The following MEST variants were observed in gnomAD, a reference collection of about 807,000 sequenced individuals.
The protein encoded by MEST is mesoderm-specific transcript homolog protein.
Under a neutral mutation model 50.9 loss-of-function variants are expected in MEST, and 18 were observed. The ratio of observed to expected loss-of-function variants is 0.35; its 90% CI spans 0.24 to 0.52. The LOEUF (loss-of-function observed/expected upper bound fraction) is 0.52. Ranked by LOEUF, MEST falls within the 20% of genes least tolerant of loss-of-function variation. MEST has a pLI of 0.94. For missense variants in MEST, 282 were observed against 425.3 expected (o/e 0.66, Z 2.96); for synonymous variants, 130 against 154.1 (o/e 0.84, Z 1.16).
chr7:130,499,906 T>C lies in MEST; in HGVS notation c.567T>C (p.Leu189=). ...TTCCTGAGACTCACCGTCCACTCCT[T>C]CTCCAAAAGGTTGGTACTTCACTGA... The part of the protein sequence containing the change: ...GIFPETHRPL[L]LQKLLKDGGV... Residue 189 remains leucine (L), a synonymous_variant, in exon 7 of 12, where the codon CTT becomes CTC. Transcript: ENST00000223215. 1 of 1,612,756 alleles carries C rather than the reference T, an allele frequency of 6.2e-7. No homozygotes were observed. Among genetic ancestry groups the C allele is most frequent in the East Asian group, 2.2e-5 (1 of 44,850 alleles).
intron 11 of MEST, among the ~76,000 whole-genome samples, chr7:130,504,371 G>C (rs1799394470): frequency 6.6e-6 from 1 of 152,216 alleles, no homozygotes. Context: ...GGCAAGGAGA[G>C]ATTGAGAAGA....
intron 9 of MEST, among the ~76,000 whole-genome samples, chr7:130,501,738 G>A (rs1554438540): frequency 6.6e-6 from 1 of 152,114 alleles, no homozygotes; most frequent in Non-Finnish European, 1.5e-5. Flanking sequence ...GGGCACAGTG[G>A]CTCACGCCTG....
rs1421831530 is a variant in MEST, at chr7:130,506,326, A to T, written c.*1270A>T. ...TGGCTTCCCCTCCCCCCTCCCCCCC[A>T]CCCCTCTGGGATAAAAATTTTCCAG... On this transcript the variant is annotated 3_prime_UTR_variant, in exon 12 of 12. Coordinates refer to ENST00000223215, the MANE Select transcript of MEST (RefSeq NM_002402.4). 1 of 10,672 alleles carries T rather than the reference A, an allele frequency of 9.4e-5. No homozygotes were observed. The highest frequency in any genetic ancestry group is 8.7e-4 in the Admixed American group (1 of 1,144). 0.7% of individuals were successfully genotyped at this position (10,672 alleles called of 1,614,324 possible). A position where few individuals can be genotyped will look rare whatever the true frequency, so the allele number is the denominator to read the frequency against.
chr7:130,492,148 C>T lies in MEST; in HGVS notation c.-166C>T, dbSNP rs1386165947. Reference sequence around the variant, plus strand: ...GCAGCTGCGCCTCGCAAGCGCAGTGCCGCAGCGCACGCCGGAGTGGCTGTA... The same window carrying T: ...GCAGCTGCGCCTCGCAAGCGCAGTGTCGCAGCGCACGCCGGAGTGGCTGTA... On this transcript the variant is annotated 5_prime_UTR_variant, in exon 1 of 12. Coordinates refer to ENST00000223215, the MANE Select transcript of MEST (RefSeq NM_002402.4). The surrounding 1 kb of genome is among the most constrained non-coding windows in gnomAD (Gnocchi z 7.6). 3 of 360,962 alleles carry T rather than the reference C, an allele frequency of 8.3e-6. No homozygotes were observed. The highest frequency in any genetic ancestry group is 4.3e-5 in the African/African-American group (2 of 46,150). The allele number at this position is 360,962 out of a possible 1,614,324, so 22.4% of individuals were successfully genotyped here.
At position 130,497,016 on chromosome 7, in the gene MEST, T is replaced by C; in HGVS notation, c.182-140T>C. 1.6e-6 allele frequency: 1 copy of C among 611,240 alleles called. No homozygotes were observed. Among genetic ancestry groups the C allele is most frequent in the South Asian group, 2.3e-5 (1 of 43,010 alleles). 37.9% of individuals were successfully genotyped at this position (611,240 alleles called of 1,614,324 possible). ...CTCACCTAACGCAGTTAAGCTTACA[T>C]TTTACAAATAATTGTGTCATTTTAA... On this transcript the variant is annotated intron_variant, in intron 2 of 11. Transcript: ENST00000223215. The surrounding 1 kb of genome is among the most constrained non-coding windows in gnomAD (Gnocchi z 4.0).
intron 2 of MEST, chr7:130,496,241 G>T: frequency 4.5e-6 from 2 of 442,710 alleles, no homozygotes; most frequent in East Asian, 7.8e-5. Context: ...TGTTGGCTTG[G>T]GTTACTTCCA....
chr7:130,494,803 CAGG>C (rs2116246874), intron 1 of MEST: 1 of 983,712 alleles, frequency 1.0e-6, no homozygotes, highest in South Asian at 4.7e-5. Flanking sequence ...TTCATTTAGG[CAGG>C]AGGGCTGAAA....
chr7:130,495,444 C>T lies in MEST; in HGVS notation c.103C>T (p.Gln35Ter). 1 of 1,614,112 alleles carries T rather than the reference C, an allele frequency of 6.2e-7. No homozygotes were observed. The highest frequency in any genetic ancestry group is 8.5e-7 in the Non-Finnish European group (1 of 1,180,000). Residue 35 changes from glutamine to a stop codon, truncating the protein, a stop_gained, in exon 2 of 12, where the codon CAG becomes TAG. Transcript: ENST00000223215. LOFTEE classifies it high-confidence loss of function. ...TGCGTACCTGCACATCCCACCCCCT[C>T]AGCTCTCCCCTGCCCTTCACTCATG... The part of the protein sequence containing the change: ...LAAYLHIPPP[Q>*]LSPALHSWKS...
In MEST at chr7:130,497,374, T is replaced by C. The variant is rs1799102664; in HGVS notation, c.261+139T>C. On this transcript the variant is annotated intron_variant, in intron 3 of 11. Coordinates refer to ENST00000223215, the MANE Select transcript of MEST (RefSeq NM_002402.4). This position sits in a 1 kb window ranked among gnomAD's most constrained non-coding sequence, Gnocchi z 4.0. ...GAGTTTGAGACCAGCCAGGCCAACA[T>C]GGCAAAACCCCATCTCTACTAAAAG... is the stretch of plus-strand genomic sequence containing the variant. 2 of 564,396 alleles carry C rather than the reference T, an allele frequency of 3.5e-6. No individual in the cohort carries two copies. The highest frequency in any genetic ancestry group is 2.0e-5 in the African/African-American group (1 of 51,280). 35.0% of individuals were successfully genotyped at this position (564,396 alleles called of 1,614,324 possible). A position where few individuals can be genotyped will look rare whatever the true frequency, so the allele number is the denominator to read the frequency against.
At chr7:130,498,653 T>C in intron 6 of MEST, 176 bp downstream of exon 6, 1 of 633,336 alleles carries the variant, frequency 1.6e-6, no homozygotes, top group South Asian at 2.0e-5. Flanking sequence ...TTATGGACCC[T>C]TTCTCAGAAT....
At chr7:130,501,968 C>G (rs186115466) in intron 9 of MEST, among the ~76,000 whole-genome samples, 86 of 138,522 alleles carry the variant, frequency 6.2e-4, no homozygotes, top group Middle Eastern at 4.1e-3. Flanking sequence ...AGCCTGGGCA[C>G]AGAGTGAGAC....
intron 6 of MEST, among the ~76,000 whole-genome samples, chr7:130,499,590 T>C (rs1799199766): frequency 6.6e-6 from 1 of 152,100 alleles, no homozygotes; most frequent in Admixed American, 6.5e-5. Context: ...GAGAAGTAAT[T>C]AGATGACAGT....
In MEST at chr7:130,500,141, T is replaced by A; in HGVS notation, c.576+226T>A. On this transcript the variant is annotated intron_variant, in intron 7 of 11. Coordinates refer to ENST00000223215, the MANE Select transcript of MEST (RefSeq NM_002402.4). This position sits in a 1 kb window ranked among gnomAD's most constrained non-coding sequence, Gnocchi z 5.0. ...CTAAGAATAAGAGATCAACAAATATTTGGAGAAATTACAGCTATGGAAAGA... is the reference window on the plus strand; with the variant it reads ...CTAAGAATAAGAGATCAACAAATATATGGAGAAATTACAGCTATGGAAAGA... 1 of 545,258 alleles carries A rather than the reference T, an allele frequency of 1.8e-6. No homozygotes were observed. The highest frequency in any genetic ancestry group is 3.2e-6 in the Non-Finnish European group (1 of 312,638). 33.8% of individuals were successfully genotyped at this position (545,258 alleles called of 1,614,324 possible).
Position 130,497,251 on chromosome 7 carries a change from T to G in MEST, c.261+16T>G, listed in dbSNP as rs201497738. On this transcript the variant is annotated intron_variant, in intron 3 of 11. Coordinates refer to ENST00000223215, the MANE Select transcript of MEST (RefSeq NM_002402.4). This position sits in a 1 kb window ranked among gnomAD's most constrained non-coding sequence, Gnocchi z 4.0. ...CTGGTACAAGGTAATGAAGTCAGAC[T>G]TCTACGTCCTACTATGTCTTAAAAA... is the stretch of plus-strand genomic sequence containing the variant. 2.0e-4 allele frequency: 317 copies of G among 1,605,416 alleles called. No homozygotes were observed. The highest frequency in any genetic ancestry group is 2.0e-4 in the Non-Finnish European group (238 of 1,175,006).
At chr7:130,494,398 A>G (rs1798958690) in intron 1 of MEST, 1 of 152,222 alleles carries the variant, frequency 6.6e-6, no homozygotes, top group Non-Finnish European at 1.5e-5. Context: ...ATCAGAAGTC[A>G]TAGACTTGAA....
At chr7:130,501,436 A>G (rs919409356) in intron 9 of MEST, among the ~76,000 whole-genome samples, 3 of 152,222 alleles carry the variant, frequency 2.0e-5, no homozygotes, top group Admixed American at 6.5e-5. Context: ...GGATCCCTGA[A>G]TATTTCATTT....
intron 11 of MEST, among the ~76,000 whole-genome samples, chr7:130,504,340 A>T (rs1332733270): frequency 6.6e-6 from 1 of 152,236 alleles, no homozygotes; most frequent in Admixed American, 6.5e-5. Flanking sequence ...AAGCCAATTC[A>T]TTGGTTTAGG....
intron 9 of MEST, among the ~76,000 whole-genome samples, chr7:130,501,974 G>A (rs1475985222): frequency 6.8e-6 from 1 of 146,656 alleles, no homozygotes; most frequent in Non-Finnish European, 1.5e-5. Flanking sequence ...GGCACAGAGT[G>A]AGACTCCGTC....
chr7:130,496,750 C>T (rs2116261621), intron 2 of MEST: 1 of 160,272 alleles, frequency 6.2e-6, no homozygotes, highest in South Asian at 1.8e-4. Flanking sequence ...TAGAGAATTT[C>T]TGTGAGGCCA....
Sources: allele counts gnomAD v4.1 joint callset (sites outside exome capture counted in the v4.1 genomes callset), GRCh38; gene constraint gnomAD v4.1.1; non-coding constraint Gnocchi (gnomAD v3.1); transcripts MANE v1.5; gene names NCBI Gene and HGNC (gene_info 2026-07-23, HGNC 2026-07-21).